The following MAMDC4 variants were observed in gnomAD, a reference collection of about 807,000 sequenced individuals.
The protein encoded by MAMDC4 is apical endosomal glycoprotein.
A neutral mutation model predicts 153.3 loss-of-function variants in MAMDC4; 168 were observed. The ratio of observed to expected loss-of-function variants is 1.10; its 90% CI spans 0.97 to 1.25. MAMDC4 has a LOEUF of 1.25. Ranked by LOEUF, MAMDC4 falls within the 50% of genes most tolerant of loss-of-function variation. MAMDC4 has a pLI of 0.00. For synonymous variants in MAMDC4, 744 were observed against 651.5 expected (o/e 1.14, Z -2.16); for missense variants, 1,701 against 1,542.8 (o/e 1.10, Z -1.72).
Position 136,858,809 on chromosome 9 carries a change from C to G in MAMDC4, c.2912C>G (p.Ser971Cys). 5.6e-6 allele frequency: 9 copies of G among 1,610,682 alleles called. No individual in the cohort carries two copies. The highest frequency in any genetic ancestry group is 7.6e-6 in the Non-Finnish European group (9 of 1,178,812). Residue 971 changes from serine to cysteine, a missense_variant, in exon 23 of 27, where the codon TCC (serine) becomes TGC (cysteine). Physicochemically the swap from Ser to Cys is moderately radical, Grantham distance 112. Coordinates refer to ENST00000317446, the MANE Select transcript of MAMDC4 (RefSeq NM_206920.3). The part of the protein sequence containing the change: ...RSEPLPATPA[S>C]CLRFWYHMGF... Reference sequence around the variant, plus strand: ...GAGCCTCTGCCGGCCACCCCAGCCTCCTGCCTCCGCTTCTGGTACCACATG... The same window carrying G: ...GAGCCTCTGCCGGCCACCCCAGCCTGCTGCCTCCGCTTCTGGTACCACATG...
chr9:136,855,468 G>A lies in MAMDC4; in HGVS notation c.1320G>A (p.Arg440=), dbSNP rs1848990618. The part of the protein sequence containing the change: ...STLQPLPPGP[R]APAPQPLPPS... ...TGCAGCCGCTGCCTCCTGGGCCCCGGGCCCCAGCCCCCCAGCCCCTGCCGC... is the reference window on the plus strand; with the variant it reads ...TGCAGCCGCTGCCTCCTGGGCCCCGAGCCCCAGCCCCCCAGCCCCTGCCGC... The change falls in exon 12 of 27, where the codon CGG becomes CGA. Residue 440 remains arginine (R), a synonymous_variant. Transcript: ENST00000317446. The A allele has an allele frequency of 1.2e-6, 2 of 1,607,892 alleles. No individual in the cohort carries two copies. Among genetic ancestry groups the A allele is most frequent in the South Asian group, 2.2e-5 (2 of 90,604 alleles).
At position 136,858,448 on chromosome 9, in the gene MAMDC4, G is replaced by A; in HGVS notation, c.2723G>A (p.Trp908Ter). ...CTGTGTGGCTGGAGCCACCTGGCCT[G>A]GCCCGGCCTGGGCGGATACAGCTGG... ...SGLCGWSHLA[W>*]PGLGGYSWDW... The change falls in exon 22 of 27, where the codon TGG (tryptophan) becomes TAG (stop). Residue 908 changes from tryptophan to a stop codon, truncating the protein, a stop_gained. Coordinates refer to ENST00000317446, the MANE Select transcript of MAMDC4 (RefSeq NM_206920.3). LOFTEE classifies it high-confidence loss of function. The A allele has an allele frequency of 1.2e-6, 2 of 1,607,108 alleles. No individual in the cohort carries two copies. The highest frequency in any genetic ancestry group is 1.7e-6 in the Non-Finnish European group (2 of 1,179,688).
Position 136,852,382 on chromosome 9 carries a change from C to T in MAMDC4, c.-35C>T. On this transcript the variant is annotated 5_prime_UTR_variant, in exon 1 of 27. Coordinates refer to ENST00000317446, the MANE Select transcript of MAMDC4 (RefSeq NM_206920.3). ...ATAACCGCACGGAACTTCCCAGGCA[C>T]CCTGTGTGGCCGCACTGCTCCCTCT... The T allele has an allele frequency of 1.9e-6, 3 of 1,606,762 alleles. No homozygotes were observed. Among genetic ancestry groups the T allele is most frequent in the Non-Finnish European group, 2.5e-6 (3 of 1,179,788 alleles).
rs371343295 is a variant in MAMDC4, at chr9:136,856,109, T to C, written c.1680T>C (p.Cys560=). The stretch of plus-strand genomic sequence containing the variant: ...TCCTTGGCCCTTCTGGCCCCAGCTG[T>C]GAACTCCACCTGGCTTATTATTTAC... ...TPLLGPSGPS[C]ELHLAYYLQS... is the part of the protein sequence containing the mutation. The change falls in exon 14 of 27, where the codon TGT becomes TGC. Residue 560 remains cysteine (C), a synonymous_variant. Transcript: ENST00000317446. The C allele has an allele frequency of 2.5e-6, 4 of 1,612,330 alleles. No individual in the cohort carries two copies. The African/African-American group carries it at 4.0e-5, about 16-fold the overall frequency.
intron 14 of MAMDC4, 28 bp from the exon 15 acceptor site, chr9:136,856,682 G>A (rs746966352): frequency 1.2e-6 from 2 of 1,606,016 alleles, no homozygotes; most frequent in Non-Finnish European, 1.7e-6. Flanking sequence ...GGGAGAAGGT[G>A]TGTGACGCCA....
chr9:136,858,367 G>C, intron 21 of MAMDC4, 33 bp from the exon 22 acceptor site: 1 of 1,600,388 alleles, frequency 6.2e-7, no homozygotes, highest in Non-Finnish European at 8.5e-7. Flanking sequence ...TTGGGCCGTG[G>C]GGCAGCACCA....
Position 136,857,266 on chromosome 9 carries a change from T to C in MAMDC4, c.2074T>C (p.Ser692Pro). 6.2e-7 allele frequency: 1 copy of C among 1,602,642 alleles called. No individual in the cohort carries two copies. Among genetic ancestry groups the C allele is most frequent in the Non-Finnish European group, 8.5e-7 (1 of 1,175,308 alleles). The change falls in exon 17 of 27, where the codon TCC becomes CCC. Residue 692 changes from serine (S) to proline (P), a missense_variant. Transcript: ENST00000317446. ...NRWHEAWATL[S>P]HQPGSHAQYQ... ...CTGGCACGAGGCCTGGGCCACCCTT[T>C]CCCACCAGCCTGGCTCCCATGCCCA...
Position 136,855,602 on chromosome 9 carries a change from A to T in MAMDC4, c.1454A>T (p.Glu485Val). ...TTCGAGGAGCAGTGCGCAGGGGGCG[A>T]GGACGAGCAGGCCTGTGGTAAAGGG... ...CDFEEQCAGG[E>V]DEQACGTTDF... is the part of the protein sequence containing the mutation. The change falls in exon 12 of 27, where the codon GAG becomes GTG. Residue 485 changes from glutamate to valine, a missense_variant. By Grantham distance (121) the Glu-to-Val change is moderately radical. Transcript: ENST00000317446. 6.3e-7 allele frequency: 1 copy of T among 1,582,806 alleles called. No homozygotes were observed. The highest frequency in any genetic ancestry group is 8.6e-7 in the Non-Finnish European group (1 of 1,164,044).
At position 136,860,043 on chromosome 9, in the gene MAMDC4, T is replaced by C. The variant is rs1397122465; in HGVS notation, c.3351T>C (p.Phe1117=). The C allele has an allele frequency of 1.3e-6, 2 of 1,596,984 alleles. No homozygotes were observed. The highest frequency in any genetic ancestry group is 1.1e-5 in the South Asian group (1 of 89,104). The part of the protein sequence containing the change: ...QSNTEATAPG[F]DNILFNADGV... Reference sequence around the variant, plus strand: ...ACACAGAGGCCACAGCCCCTGGCTTTGACAACATCCTTTTCAATGCGGTAG... The same window carrying C: ...ACACAGAGGCCACAGCCCCTGGCTTCGACAACATCCTTTTCAATGCGGTAG... The change falls in exon 26 of 27, where the codon TTT becomes TTC. Residue 1117 remains phenylalanine (F), a synonymous_variant. Coordinates refer to ENST00000317446, the MANE Select transcript of MAMDC4 (RefSeq NM_206920.3).
Position 136,854,775 on chromosome 9 carries a change from C to T in MAMDC4, c.948C>T (p.Val316=), listed in dbSNP as rs1173880318. ...CCTTTCCCGCAGGCTCCTTCCTGGT[C>T]TCCGTGGCCGAGCCTGGCACCCCTG... ...SRNSAQGSFL[V]SVAEPGTPAI... The change falls in exon 9 of 27, where the codon GTC becomes GTT. Residue 316 remains valine (V), a synonymous_variant. Coordinates refer to ENST00000317446, the MANE Select transcript of MAMDC4 (RefSeq NM_206920.3). The T allele has an allele frequency of 6.2e-7, 1 of 1,612,798 alleles. No homozygotes were observed.
Position 136,855,129 on chromosome 9 carries a change from G to C in MAMDC4, c.1197+19G>C. The C allele has an allele frequency of 1.3e-6, 2 of 1,566,684 alleles. No homozygotes were observed. The highest frequency in any genetic ancestry group is 2.3e-5 in the South Asian group (2 of 87,076). ...CTTCCAGGTAGGGAACAGCAAGAGG[G>C]TGGGGTCTGGGGAGCCGCACTGTGG... On this transcript the variant is annotated intron_variant, in intron 10 of 26. Coordinates refer to ENST00000317446, the MANE Select transcript of MAMDC4 (RefSeq NM_206920.3).
At chr9:136,859,165 T>C in intron 24 of MAMDC4, 33 bp downstream of exon 24, 8 of 1,590,402 alleles carry the variant, frequency 5.0e-6, no homozygotes, top group Non-Finnish European at 6.9e-6. Context: ...AGCCTCCTCC[T>C]CCTCCACCCA....
Position 136,855,284 on chromosome 9 carries a change from G to T in MAMDC4, c.1228G>T (p.Gly410Cys). Residue 410 changes from glycine (G) to cysteine (C), a missense_variant, in exon 11 of 27, where the codon GGC becomes TGC. Gly to Cys is a radical substitution (Grantham distance 159). Transcript: ENST00000317446. ...ILLAGQTGPG[G>C]VVGLDDLILS... is the part of the protein sequence containing the mutation. ...CCTGGCCGGGCAGACAGGCCCGGGG[G>T]GCGTCGTGGGTCTGGACGACCTCAT... is the stretch of plus-strand genomic sequence containing the variant. 1.2e-6 allele frequency: 2 copies of T among 1,603,734 alleles called. No individual in the cohort carries two copies. Among genetic ancestry groups the T allele is most frequent in the South Asian group, 2.2e-5 (2 of 89,870 alleles).
chr9:136,858,664 G>T, intron 22 of MAMDC4, 55 bp from the exon 23 acceptor site: 1 of 1,606,534 alleles, frequency 6.2e-7, no homozygotes. Flanking sequence ...CTCTGCTCGG[G>T]CCCTGAGGGC....
chr9:136,852,952 T>G, intron 1 of MAMDC4, 150 bp from the exon 2 acceptor site: 1 of 666,972 alleles, frequency 1.5e-6, no homozygotes, highest in Admixed American at 2.7e-5. Flanking sequence ...GGGAGTTCTC[T>G]GTGGGTCCCA....
chr9:136,852,926 T>G (rs1271837910), intron 1 of MAMDC4, among the ~76,000 whole-genome samples, 176 bp from the exon 2 acceptor site: 1 of 152,214 alleles, frequency 6.6e-6, no homozygotes, highest in Non-Finnish European at 1.5e-5. Flanking sequence ...GTGCTGTGCT[T>G]GGTCCTGAGC....
At position 136,854,582 on chromosome 9, in the gene MAMDC4, G is replaced by C; in HGVS notation, c.840G>C (p.Trp280Cys). 6.2e-7 allele frequency: 1 copy of C among 1,607,282 alleles called. No individual in the cohort carries two copies. The highest frequency in any genetic ancestry group is 8.5e-7 in the Non-Finnish European group (1 of 1,177,762). The part of the protein sequence containing the change: ...ATDFETGLGP[W>C]NRSEGWSRNH... Reference sequence around the variant, plus strand: ...ACTTTGAGACAGGCCTGGGCCCATGGAACCGCTCGGAAGGCTGGTCCCGGA... The same window carrying C: ...ACTTTGAGACAGGCCTGGGCCCATGCAACCGCTCGGAAGGCTGGTCCCGGA... Residue 280 changes from tryptophan (W) to cysteine (C), a missense_variant, in exon 8 of 27, where the codon TGG (tryptophan) becomes TGC (cysteine). By Grantham distance (215) the Trp-to-Cys change is radical. Coordinates refer to ENST00000317446, the MANE Select transcript of MAMDC4 (RefSeq NM_206920.3).
Position 136,857,765 on chromosome 9 carries a change from CT to C in MAMDC4, c.2435del (p.Phe812SerfsTer179). On this transcript the variant is annotated frameshift_variant, in exon 19 of 27. Coordinates refer to ENST00000317446, the MANE Select transcript of MAMDC4 (RefSeq NM_206920.3). LOFTEE classifies it high-confidence loss of function. Reference sequence around the variant, plus strand: ...CCCTGGCCCAGCCTGCTTGTCTGACCTTCTGGTACCACGGGAGCCTCCGCAG... The same window carrying C: ...CCCTGGCCCAGCCTGCTTGTCTGACCTCTGGTACCACGGGAGCCTCCGCAG... ...RPLAQPACLTFWYHGSLRSPG... is the reference protein window; with the variant it reads ...RPLAQPACLTXWYHGSLRSPG... 6.2e-7 allele frequency: 1 copy of C among 1,612,606 alleles called. No homozygotes were observed. Among genetic ancestry groups the C allele is most frequent in the Non-Finnish European group, 8.5e-7 (1 of 1,179,842 alleles).
chr9:136,857,951 T>C (rs1373208377), intron 19 of MAMDC4, 28 bp from the exon 20 acceptor site: 2 of 1,487,552 alleles, frequency 1.3e-6, no homozygotes, highest in East Asian at 4.9e-5. Flanking sequence ...CTCCCCACAC[T>C]GCTGACCTGG....
Sources: gnomAD v4.1 joint callset for allele counts (sites outside exome capture counted in the v4.1 genomes callset) on GRCh38, gnomAD v4.1.1 for gene constraint, MANE v1.5 for transcripts, NCBI Gene and HGNC (gene_info 2026-07-23, HGNC 2026-07-21) for gene names.